LINGO2: variants seen among roughly 807,000 people sequenced by gnomAD.
LINGO2 encodes leucine rich repeat and Ig domain containing 2, also known as leucine-rich repeat and immunoglobulin-like domain-containing nogo receptor-interacting protein 2.
Under a neutral mutation model 30.6 loss-of-function variants are expected in LINGO2, and 14 were observed. That is an observed-to-expected ratio of 0.46 (90% CI 0.30 to 0.72). The LOEUF is 0.72. LINGO2 is among the 30% of genes least tolerant of loss of function. The probability of loss-of-function intolerance (pLI) is 0.07; values close to 1 mark genes in which losing one functional copy is unlikely to be tolerated. For synonymous variants in LINGO2, 317 were observed against 288.5 expected (o/e 1.10, Z -1.00); for missense variants, 729 against 751.7 (o/e 0.97, Z 0.35).
intron 4 of LINGO2, among the ~76,000 whole-genome samples, chr9:28,189,289 GAGGA>G (rs779746664): frequency 3.5e-4 from 6 of 17,274 alleles, no homozygotes; most frequent in Non-Finnish European, 4.3e-4. Context: ...GGGAGGGAGG[GAGGA>G]AGGAAGGAAG....
intron 3 of LINGO2, among the ~76,000 whole-genome samples, chr9:28,327,251 C>A (rs544352114): frequency 2.3e-4 from 35 of 152,256 alleles, no homozygotes; most frequent in African/African-American, 8.2e-4. Context: ...TTATAGATTA[C>A]CCAGTCTAAG....
the LINGO2 span, among the ~76,000 whole-genome samples, chr9:28,908,462 C>T: frequency 6.6e-6 from 1 of 151,830 alleles, no homozygotes; most frequent in Non-Finnish European, 1.5e-5. Context: ...AACAACAATA[C>T]CATGTTGGCT....
At chr9:28,943,786 G>A in the LINGO2 span, among the ~76,000 whole-genome samples, 3 of 152,226 alleles carry the variant, frequency 2.0e-5, no homozygotes, top group Admixed American at 6.5e-5. Flanking sequence ...ATAGTGTAAG[G>A]AGTAAGATGT....
chr9:28,578,508 T>C (rs762765972), intron 1 of LINGO2, among the ~76,000 whole-genome samples: 9 of 152,142 alleles, frequency 5.9e-5, no homozygotes, highest in Non-Finnish European at 1.2e-4. Context: ...TGTATAATTA[T>C]TAATTATTAA....
intron 2 of LINGO2, among the ~76,000 whole-genome samples, chr9:28,387,777 C>G (rs1821652408): frequency 6.6e-6 from 1 of 152,094 alleles, no homozygotes; most frequent in Admixed American, 6.5e-5. Flanking sequence ...GACGTACCAC[C>G]TTTATGAACT....
chr9:28,352,063 T>C (rs1351212975), intron 3 of LINGO2, among the ~76,000 whole-genome samples: 1 of 149,752 alleles, frequency 6.7e-6, no homozygotes, highest in Non-Finnish European at 1.5e-5. Flanking sequence ...GGGCAAAAAC[T>C]GGAAGCATTC....
the LINGO2 span, among the ~76,000 whole-genome samples, chr9:28,698,543 T>G: frequency 6.6e-6 from 1 of 152,118 alleles, no homozygotes; most frequent in Non-Finnish European, 1.5e-5. Context: ...TTTCTAGGTA[T>G]GAATACTTTG....
At chr9:28,712,749 A>C in the LINGO2 span, among the ~76,000 whole-genome samples, 982 of 152,156 alleles carry the variant, frequency 6.5e-3, 24 homozygotes, top group East Asian at 0.036. Flanking sequence ...AAATCTAACT[A>C]TTTCAAATAT....
At chr9:28,069,226 G>A (rs1243172865) in intron 4 of LINGO2, among the ~76,000 whole-genome samples, 1 of 152,084 alleles carries the variant, frequency 6.6e-6, no homozygotes, top group East Asian at 1.9e-4. Context: ...TTAAGGGTTC[G>A]ATAGGCTGTC....
At chr9:28,166,520 A>G (rs1828431421) in intron 4 of LINGO2, among the ~76,000 whole-genome samples, 1 of 152,208 alleles carries the variant, frequency 6.6e-6, no homozygotes, top group South Asian at 2.1e-4. Flanking sequence ...TATGGTATTT[A>G]TGTTGGACAG....
rs187397726 is a variant in LINGO2 at position 28,563,137 on chromosome 9, T to C, written c.-364-87112A>G. Among the ~76,000 whole-genome samples the C allele has an allele frequency of 3.3e-5, 5 of 152,224 alleles. No individual in the cohort carries two copies. The East Asian group carries it at 9.6e-4, about 29-fold the overall frequency. On this transcript the variant is annotated intron_variant, in intron 1 of 5. Coordinates refer to ENST00000379992, the Ensembl canonical transcript of LINGO2. ...GCTGGAATTATAGGCCTGAACCACA[T>C]GCCTGGCCTGAATAAAACTTGTTAT...
intron 4 of LINGO2, among the ~76,000 whole-genome samples, chr9:28,166,271 T>A (rs1828423869): frequency 6.6e-6 from 1 of 152,198 alleles, no homozygotes; most frequent in South Asian, 2.1e-4. Context: ...CTATCATAAG[T>A]CATAGATGGT....
Position 28,355,299 on chromosome 9 carries a change from G to C in LINGO2, c.-246+17537C>G, listed in dbSNP as rs199944731. Among the ~76,000 whole-genome samples, 77 of 121,026 alleles carry C rather than the reference G, an allele frequency of 6.4e-4. 2 individuals carry two copies. The highest frequency in any genetic ancestry group is 1.2e-3 in the East Asian group (5 of 4,028). 79.4% of individuals were successfully genotyped at this position (121,026 alleles called of 152,430 possible). A position where few individuals can be genotyped will look rare whatever the true frequency, so the allele number is the denominator to read the frequency against. ...TCTCTGTCTCTCTCTCTCTCTCTATGTCTCTCTCTCTCTCTCTCTCTCTCT... is the reference window on the plus strand; with the variant it reads ...TCTCTGTCTCTCTCTCTCTCTCTATCTCTCTCTCTCTCTCTCTCTCTCTCT... On this transcript the variant is annotated intron_variant, in intron 3 of 5. Coordinates refer to ENST00000379992, the Ensembl canonical transcript of LINGO2.
intron 2 of LINGO2, among the ~76,000 whole-genome samples, chr9:28,421,655 CCTT>C (rs1823204477): frequency 6.6e-6 from 1 of 152,044 alleles, no homozygotes; most frequent in Admixed American, 6.6e-5. Context: ...GAAAAGTCCA[CCTT>C]CTAGATACAA....
chr9:28,942,418 T>G, the LINGO2 span, among the ~76,000 whole-genome samples: 2 of 152,118 alleles, frequency 1.3e-5, no homozygotes, highest in African/African-American at 4.8e-5. Context: ...GGCATTCAAT[T>G]ATAGAAATCA....
the LINGO2 span, among the ~76,000 whole-genome samples, chr9:28,770,424 G>A: frequency 1.3e-5 from 2 of 152,054 alleles, no homozygotes; most frequent in African/African-American, 4.8e-5. Context: ...GTGGTTTCTG[G>A]TATTTTATTC....
chr9:28,879,951 C>G, the LINGO2 span, among the ~76,000 whole-genome samples: 4 of 152,154 alleles, frequency 2.6e-5, no homozygotes, highest in African/African-American at 9.7e-5. Context: ...AGTTCCTAGT[C>G]TTCCTAATAC....
At chr9:28,598,430 A>AAC (rs1554643659) in intron 1 of LINGO2, among the ~76,000 whole-genome samples, 22 of 132,704 alleles carry the variant, frequency 1.7e-4, no homozygotes, top group African/African-American at 5.7e-4. Context: ...AAAAAAAAAA[A>AAC]AAAACAAAAC....
At chr9:27,996,175 G>A (rs868674819) in intron 5 of LINGO2, among the ~76,000 whole-genome samples, 2 of 152,052 alleles carry the variant, frequency 1.3e-5, no homozygotes, top group East Asian at 3.9e-4. Context: ...GGGAGCACTT[G>A]TATTTTGTTG....
Sources: gnomAD v4.1 joint callset for allele counts (sites outside exome capture counted in the v4.1 genomes callset) on GRCh38, gnomAD v4.1.1 for gene constraint, MANE v1.5 for transcripts, NCBI Gene and HGNC (gene_info 2026-07-23, HGNC 2026-07-21) for gene names.